The following RGS6 variants were observed in gnomAD, a reference collection of about 807,000 sequenced individuals.
RGS6 encodes regulator of G-protein signaling 6.
RGS6 carries 30 observed loss-of-function variants against 78.5 expected under a neutral mutation model. The observed-to-expected ratio is 0.38, with a 90% CI of 0.29 to 0.52. The LOEUF (loss-of-function observed/expected upper bound fraction) is 0.52. Among genes scored for constraint, RGS6 ranks in the 20% least tolerant of loss-of-function variants. RGS6 has a pLI of 0.85. For missense variants in RGS6, 495 were observed against 609.7 expected (o/e 0.81, Z 1.98); for synonymous variants, 206 against 206.0 (o/e 1.00, Z 0.00).
chr14:72,567,915 T>C (rs749046556), downstream of RGS6, among the ~76,000 whole-genome samples: 14 of 152,196 alleles, frequency 9.2e-5, no homozygotes, highest in Non-Finnish European at 1.9e-4. Context: ...TACACAGCCC[T>C]TCAGCGCCCA....
At chr14:71,935,643 T>C (rs1396834667) in intron 1 of RGS6, among the ~76,000 whole-genome samples, 1 of 152,138 alleles carries the variant, frequency 6.6e-6, no homozygotes, top group African/African-American at 2.4e-5. Context: ...GATTAAAGCA[T>C]CAGAAAAGAA....
chr14:72,399,993 A>G (rs997598243), intron 3 of RGS6, among the ~76,000 whole-genome samples: 3 of 152,194 alleles, frequency 2.0e-5, no homozygotes, highest in Admixed American at 6.5e-5. Flanking sequence ...AACTTCCCCA[A>G]TCTAGCAAGG....
intron 2 of RGS6, among the ~76,000 whole-genome samples, chr14:72,283,315 G>A (rs2061908641): frequency 6.6e-6 from 1 of 152,130 alleles, no homozygotes; most frequent in African/African-American, 2.4e-5. Flanking sequence ...TGGATCATAT[G>A]ATAGTGCTAT....
chr14:72,330,002 C>T (rs1015099936), intron 2 of RGS6, among the ~76,000 whole-genome samples: 1 of 152,234 alleles, frequency 6.6e-6, no homozygotes, highest in African/African-American at 2.4e-5. Flanking sequence ...GAACTATAAA[C>T]TTGGATGGCA....
the RGS6 span, among the ~76,000 whole-genome samples, chr14:71,875,264 C>T: frequency 5.9e-5 from 9 of 152,194 alleles, no homozygotes; most frequent in Middle Eastern, 3.4e-3. Context: ...GCTGTGAATC[C>T]ATCTGGTCCT....
intron 6 of RGS6, among the ~76,000 whole-genome samples, chr14:72,459,989 G>C (rs2095737918): frequency 6.6e-6 from 1 of 152,206 alleles, no homozygotes; most frequent in Non-Finnish European, 1.5e-5. Flanking sequence ...AACACTATCA[G>C]ATGGTGACTT....
intron 2 of RGS6, among the ~76,000 whole-genome samples, chr14:72,004,410 C>G (rs920961142): frequency 6.6e-6 from 1 of 152,128 alleles, no homozygotes; most frequent in Admixed American, 6.5e-5. Context: ...AATTCAAATG[C>G]TTTTTAACAT....
At chr14:72,468,979 A>G (rs532432310) in intron 7 of RGS6, among the ~76,000 whole-genome samples, 18 of 152,338 alleles carry the variant, frequency 1.2e-4, no homozygotes, top group Non-Finnish European at 2.5e-4. Context: ...ATGAAAATAC[A>G]TAGCATAATA....
Position 72,284,763 on chromosome 14 carries a change from G to A in RGS6, c.85-67332G>A, listed in dbSNP as rs181911478. 9.2e-5 allele frequency among the ~76,000 whole-genome samples: 14 copies of A among 152,222 alleles called. 1 individual carries two copies. Among genetic ancestry groups the A allele is most frequent in the South Asian group, 4.1e-4 (2 of 4,824 alleles). On this transcript the variant is annotated intron_variant, in intron 2 of 17. Transcript: ENST00000553525. ...GGTAGATCCACTAACAGCTTGTATC[G>A]TATGCCTGGAAAAGCCACAAACACT...
At chr14:72,098,118 T>C (rs934132922) in intron 2 of RGS6, among the ~76,000 whole-genome samples, 1 of 152,178 alleles carries the variant, frequency 6.6e-6, no homozygotes, top group Non-Finnish European at 1.5e-5. Flanking sequence ...ATAGCTGTGC[T>C]GTTGTTCATT....
At chr14:72,553,673 T>G (rs964077549) in intron 17 of RGS6, among the ~76,000 whole-genome samples, 2 of 152,094 alleles carry the variant, frequency 1.3e-5, no homozygotes, top group Non-Finnish European at 2.9e-5. Context: ...ACCCAGTAAC[T>G]CTCTTCTCCT....
At chr14:72,052,932 T>C (rs1246730266) in intron 2 of RGS6, among the ~76,000 whole-genome samples, 1 of 25,440 alleles carries the variant, frequency 3.9e-5, no homozygotes, top group Non-Finnish European at 6.6e-5. Context: ...TATTTTTCTT[T>C]CTTTCTTTCT....
chr14:72,032,987 C>A (rs1005449541), intron 2 of RGS6, among the ~76,000 whole-genome samples: 2 of 152,090 alleles, frequency 1.3e-5, no homozygotes, highest in Non-Finnish European at 2.9e-5. Flanking sequence ...CTTACAGTTA[C>A]GTCCTGATAA....
At chr14:72,027,840 C>G (rs2090166338) in intron 2 of RGS6, among the ~76,000 whole-genome samples, 1 of 152,176 alleles carries the variant, frequency 6.6e-6, no homozygotes, top group Admixed American at 6.5e-5. Flanking sequence ...AGATGCCAAC[C>G]AGAAGACTGG....
At chr14:72,322,095 G>A (rs145504184) in intron 2 of RGS6, among the ~76,000 whole-genome samples, 18 of 151,882 alleles carry the variant, frequency 1.2e-4, no homozygotes, top group African/African-American at 2.4e-4. Flanking sequence ...ATTTGTATAC[G>A]TAAGTACTTA....
intron 2 of RGS6, among the ~76,000 whole-genome samples, chr14:72,333,852 A>G (rs1480990283): frequency 6.6e-6 from 1 of 152,192 alleles, no homozygotes; most frequent in Non-Finnish European, 1.5e-5. Flanking sequence ...TATTTCCAGC[A>G]CTGCAAGGTA....
At position 72,215,375 on chromosome 14, in the gene RGS6, C is replaced by A. The variant is rs182660757; in HGVS notation, c.85-136720C>A. On this transcript the variant is annotated intron_variant, in intron 2 of 17. Transcript: ENST00000553525. ...GAAAGGGACTGTTTCTCTGTTTCTCCCTGTTAGAAATGCTTGTTGCCCAGT... is the reference window on the plus strand; with the variant it reads ...GAAAGGGACTGTTTCTCTGTTTCTCACTGTTAGAAATGCTTGTTGCCCAGT... Among the ~76,000 whole-genome samples, 23 of 152,260 alleles carry A rather than the reference C, an allele frequency of 1.5e-4. No individual in the cohort carries two copies. The East Asian group carries it at 4.2e-3, about 28-fold the overall frequency.
chr14:72,298,282 G>C (rs1401121302), intron 2 of RGS6, among the ~76,000 whole-genome samples: 2 of 151,676 alleles, frequency 1.3e-5, no homozygotes, highest in African/African-American at 2.4e-5. Flanking sequence ...ACTAATTTTA[G>C]GATGTTAAAC....
At chr14:72,430,976 C>T (rs1009913579) in intron 3 of RGS6, among the ~76,000 whole-genome samples, 2 of 152,190 alleles carry the variant, frequency 1.3e-5, no homozygotes, top group Non-Finnish European at 2.9e-5. Context: ...CCCCTGCTGG[C>T]TATCGATTTC....
Sources: allele counts gnomAD v4.1 joint callset (sites outside exome capture counted in the v4.1 genomes callset), GRCh38; gene constraint gnomAD v4.1.1; transcripts MANE v1.5; gene names NCBI Gene and HGNC (gene_info 2026-07-23, HGNC 2026-07-21).